PPP6R2: variants seen among roughly 807,000 people sequenced by gnomAD.
The protein encoded by PPP6R2 is serine/threonine-protein phosphatase 6 regulatory subunit 2.
Under a neutral mutation model 100.2 loss-of-function variants are expected in PPP6R2, and 62 were observed. That is an observed-to-expected ratio of 0.62 (90% CI 0.50 to 0.76). The LOEUF (loss-of-function observed/expected upper bound fraction) is 0.76. Among genes scored for constraint, PPP6R2 ranks in the 30% least tolerant of loss-of-function variants. The pLI is 0.00. For synonymous variants in PPP6R2, 525 were observed against 514.7 expected (o/e 1.02, Z -0.27); for missense variants, 1,142 against 1,276.3 (o/e 0.89, Z 1.60).
At chr22:50,340,110 T>C, upstream of PPP6R2, among the ~76,000 whole-genome samples, 1 of 133,904 alleles carries the variant, frequency 7.5e-6, no homozygotes, top group African/African-American at 2.8e-5. Flanking sequence ...GTGTGGTATG[T>C]GGTGTGTGTA....
At chr22:50,440,705 G>A in intron 21 of PPP6R2, 117 bp from the exon 22 acceptor site, 1 of 1,182,972 alleles carries the variant, frequency 8.5e-7, no homozygotes, top group Non-Finnish European at 1.2e-6. Context: ...AGGCACATGT[G>A]TGCAGGCAAC....
At chr22:50,391,814 A>G (rs542849949) in intron 2 of PPP6R2, 16 of 151,856 alleles carry the variant, frequency 1.1e-4, no homozygotes, top group African/African-American at 3.9e-4. Flanking sequence ...ACTACTAGAA[A>G]AATTCTTCTA....
chr22:50,435,989 G>C (rs976822616), intron 13 of PPP6R2, among the ~76,000 whole-genome samples: 1 of 152,210 alleles, frequency 6.6e-6, no homozygotes, highest in African/African-American at 2.4e-5. Flanking sequence ...CCTGTGAGGT[G>C]GGGGGAAGGA....
At chr22:50,388,870 CA>C (rs536065682) in intron 2 of PPP6R2, 122 of 113,040 alleles carry the variant, frequency 1.1e-3, no homozygotes, top group Admixed American at 1.1e-3. Context: ...GACTCCATCT[CA>C]AAAAAAAAAA....
At chr22:50,419,834 C>T (rs1313619328) in intron 8 of PPP6R2, among the ~76,000 whole-genome samples, 5 of 152,230 alleles carry the variant, frequency 3.3e-5, no homozygotes, top group Non-Finnish European at 7.3e-5. Context: ...TGCATGGTTA[C>T]ATATACATGT....
the PPP6R2 span, among the ~76,000 whole-genome samples, chr22:50,337,309 T>C: frequency 1.2e-3 from 175 of 141,452 alleles, 1 homozygote; most frequent in African/African-American, 4.3e-3. Context: ...GGTGTGTGTG[T>C]GCGCCTGCAT....
At chr22:50,380,259 G>A (rs2052570394) in intron 2 of PPP6R2, among the ~76,000 whole-genome samples, 1 of 151,736 alleles carries the variant, frequency 6.6e-6, no homozygotes, top group Non-Finnish European at 1.5e-5. Flanking sequence ...TTTTAGTAGA[G>A]ATGGGGTTTT....
chr22:50,411,078 C>T (rs1457732006), intron 4 of PPP6R2, among the ~76,000 whole-genome samples: 1 of 152,038 alleles, frequency 6.6e-6, no homozygotes, highest in African/African-American at 2.4e-5. Context: ...GGTGTGAGCC[C>T]CCACACCCGG....
chr22:50,375,832 A>ATGTTTTTTTTTTTT (rs2051383369), intron 2 of PPP6R2, among the ~76,000 whole-genome samples: 1 of 64,560 alleles, frequency 1.5e-5, no homozygotes, highest in Non-Finnish European at 2.6e-5. Context: ...ATCCCTGCAG[A>ATGTTTTTTTTTTTT]TTTTTTTTTT....
In PPP6R2 at chr22:50,444,386, A is replaced by G; in HGVS notation, c.*139A>G. The G allele has an allele frequency of 8.5e-7, 1 of 1,182,792 alleles. No homozygotes were observed. Among genetic ancestry groups the G allele is most frequent in the South Asian group, 1.5e-5 (1 of 67,992 alleles). 73.3% of individuals were successfully genotyped at this position (1,182,792 alleles called of 1,614,324 possible). Reference sequence around the variant, plus strand: ...GCTGCATTGGTAAAGCTGGCAGTTGAAACCAGTTGGACGGCCCAGCTTGCG... The same window carrying G: ...GCTGCATTGGTAAAGCTGGCAGTTGGAACCAGTTGGACGGCCCAGCTTGCG... On this transcript the variant is annotated 3_prime_UTR_variant, in exon 24 of 24. Coordinates refer to ENST00000612753, the MANE Select transcript of PPP6R2 (RefSeq NM_001242898.2).
chr22:50,352,537 C>T (rs2045535345), intron 1 of PPP6R2, among the ~76,000 whole-genome samples: 1 of 151,688 alleles, frequency 6.6e-6, no homozygotes, highest in Non-Finnish European at 1.5e-5. Context: ...CCATCCTGGC[C>T]AACATGGTGA....
In PPP6R2 at chr22:50,414,584, C is replaced by T. The variant is rs1440115073; in HGVS notation, c.447C>T (p.Phe149=). 3 of 1,614,048 alleles carry T rather than the reference C, an allele frequency of 1.9e-6. No individual in the cohort carries two copies. ...CGTTTTTGAAGAAGAAGGACAAGTT[C>T]ATCAGCCTGGTGTTGAAGCACATCG... ...VITFLKKKDK[F]ISLVLKHIGT... Residue 149 remains phenylalanine, a synonymous_variant, in exon 5 of 24, where the codon TTC becomes TTT. Coordinates refer to ENST00000612753, the MANE Select transcript of PPP6R2 (RefSeq NM_001242898.2).
At chr22:50,338,975 T>C (rs2042336321), upstream of PPP6R2, among the ~76,000 whole-genome samples, 1 of 127,742 alleles carries the variant, frequency 7.8e-6, no homozygotes, top group Non-Finnish European at 1.7e-5. Context: ...GGGTGTGTGG[T>C]GTGTGTGTGG....
At chr22:50,336,382 T>G in the PPP6R2 span, among the ~76,000 whole-genome samples, 2 of 152,140 alleles carry the variant, frequency 1.3e-5, no homozygotes, top group African/African-American at 4.8e-5. Context: ...TTATTTTATT[T>G]TATTTTATTT....
intron 22 of PPP6R2, among the ~76,000 whole-genome samples, chr22:50,442,116 A>T (rs2065790490): frequency 6.6e-6 from 1 of 152,150 alleles, no homozygotes; most frequent in Admixed American, 6.5e-5. Flanking sequence ...GAGCGGGGTG[A>T]GGGTGTCCCC....
chr22:50,337,013 G>A, the PPP6R2 span, among the ~76,000 whole-genome samples: 8 of 152,150 alleles, frequency 5.3e-5, no homozygotes, highest in South Asian at 1.7e-3. Context: ...TTTCCCTGTT[G>A]AAATCATTGT....
At chr22:50,335,699 G>A in the PPP6R2 span, among the ~76,000 whole-genome samples, 1 of 110,172 alleles carries the variant, frequency 9.1e-6, no homozygotes, top group African/African-American at 4.2e-5. Context: ...TTTTTGAGAT[G>A]GAGTCTCGCT....
upstream of PPP6R2, among the ~76,000 whole-genome samples, chr22:50,339,027 G>GGT (rs1188941334): frequency 1.7e-5 from 2 of 116,556 alleles, no homozygotes; most frequent in Non-Finnish European, 3.5e-5. Flanking sequence ...GTGTGTGTGT[G>GGT]GTGTGTGTGT....
chr22:50,424,587 A>C (rs1792989244), intron 10 of PPP6R2, among the ~76,000 whole-genome samples: 1 of 150,138 alleles, frequency 6.7e-6, no homozygotes, highest in African/African-American at 2.4e-5. Context: ...AGTCTGCATC[A>C]GGGAAGCAAT....
Sources: allele counts gnomAD v4.1 joint callset (sites outside exome capture counted in the v4.1 genomes callset), GRCh38; gene constraint gnomAD v4.1.1; transcripts MANE v1.5; gene names NCBI Gene and HGNC (gene_info 2026-07-23, HGNC 2026-07-21).